FAM13A: variants seen among roughly 807,000 people sequenced by gnomAD.
FAM13A encodes protein FAM13A.
In FAM13A, 76 loss-of-function variants were observed where a neutral mutation model predicts 129.6. The ratio of observed to expected loss-of-function variants is 0.59; its 90% CI spans 0.49 to 0.71. The LOEUF is 0.71. Ranked by LOEUF, FAM13A falls within the 30% of genes least tolerant of loss-of-function variation. The pLI, the probability that FAM13A is intolerant of heterozygous loss-of-function variation, is 0.00. For missense variants in FAM13A, 1,108 were observed against 1,249.3 expected, an observed-to-expected ratio of 0.89 and a Z score of 1.70; for synonymous variants, 443 against 449.9, an observed-to-expected ratio of 0.98 and a Z score of 0.20.
At chr4:88,987,535 T>C (rs532402374) in intron 4 of FAM13A, among the ~76,000 whole-genome samples, 195 of 152,194 alleles carry the variant, frequency 1.3e-3, no homozygotes, top group Non-Finnish European at 2.0e-3. Context: ...GGATACAATA[T>C]CACTGATAAG....
At chr4:88,741,681 A>T (rs1740289434) in intron 19 of FAM13A, among the ~76,000 whole-genome samples, 1 of 152,182 alleles carries the variant, frequency 6.6e-6, no homozygotes, top group Admixed American at 6.5e-5. Context: ...AAAATCTGAA[A>T]CTTTTTGAGT....
intron 7 of FAM13A, among the ~76,000 whole-genome samples, chr4:88,815,976 G>C (rs1730637196): frequency 6.9e-6 from 1 of 144,074 alleles, no homozygotes; most frequent in Non-Finnish European, 1.5e-5. Context: ...GAGAATCCAA[G>C]TTCTTTTTCT....
intron 3 of FAM13A, among the ~76,000 whole-genome samples, chr4:89,014,006 G>A (rs1189770213): frequency 6.6e-6 from 1 of 152,146 alleles, no homozygotes; most frequent in African/African-American, 2.4e-5. Flanking sequence ...ACCCTGTGGT[G>A]CAATAGTGTC....
chr4:89,013,845 A>T (rs1766083771), intron 3 of FAM13A, among the ~76,000 whole-genome samples: 1 of 152,192 alleles, frequency 6.6e-6, no homozygotes, highest in Non-Finnish European at 1.5e-5. Context: ...AAAAATAATC[A>T]ATTCCCAGCC....
intron 3 of FAM13A, among the ~76,000 whole-genome samples, chr4:89,003,527 T>C (rs1397977802): frequency 6.6e-6 from 1 of 151,960 alleles, no homozygotes; most frequent in African/African-American, 2.4e-5. Flanking sequence ...AGCAGAATCA[T>C]GGTTATAGGT....
Position 89,057,088 on chromosome 4 carries a change from C to T in FAM13A, c.-124G>A. The T allele has an allele frequency of 1.3e-6, 2 of 1,519,998 alleles. No homozygotes were observed. Among genetic ancestry groups the T allele is most frequent in the South Asian group, 2.6e-5 (2 of 76,892 alleles). The allele number at this position is 1,519,998 out of a possible 1,614,324, so 94.2% of individuals were successfully genotyped here. On this transcript the variant is annotated 5_prime_UTR_variant, in exon 1 of 24. Coordinates refer to ENST00000264344, the MANE Select transcript of FAM13A (RefSeq NM_014883.4). ...TGAAAAACAGCTCCCAATGCAAAGG[C>T]CCCAAGGTAAGCGAAGAGCAGCTTC...
At chr4:88,956,739 T>C (rs1355102566) in intron 4 of FAM13A, among the ~76,000 whole-genome samples, 1 of 152,194 alleles carries the variant, frequency 6.6e-6, no homozygotes, top group East Asian at 1.9e-4. Context: ...TTACCCTCAC[T>C]TTCTAGCTTC....
chr4:89,039,848 G>A (rs866338335), intron 1 of FAM13A, among the ~76,000 whole-genome samples: 2 of 151,912 alleles, frequency 1.3e-5, no homozygotes, highest in African/African-American at 4.8e-5. Context: ...AGCTTCTCAG[G>A]AGGCTGTGGC....
intron 5 of FAM13A, among the ~76,000 whole-genome samples, chr4:88,930,368 G>A (rs1445398602): frequency 1.3e-5 from 2 of 152,084 alleles, no homozygotes; most frequent in Non-Finnish European, 2.9e-5. Flanking sequence ...TTCTGAAGAT[G>A]TATTTTTTCT....
chr4:88,951,894 A>G (rs1579457463), intron 4 of FAM13A, among the ~76,000 whole-genome samples: 1 of 152,156 alleles, frequency 6.6e-6, no homozygotes, highest in African/African-American at 2.4e-5. Context: ...TATATTTCCA[A>G]CAGAGCCTAG....
chr4:88,919,938 G>A (rs943905029), intron 5 of FAM13A, among the ~76,000 whole-genome samples: 13 of 152,236 alleles, frequency 8.5e-5, no homozygotes, highest in East Asian at 7.7e-4. Context: ...ACAGAGTCTC[G>A]CTGATTGCTA....
chr4:88,902,701 G>C (rs1458028744), intron 6 of FAM13A, among the ~76,000 whole-genome samples: 2 of 152,138 alleles, frequency 1.3e-5, no homozygotes, highest in Non-Finnish European at 2.9e-5. Flanking sequence ...GCTGACACAA[G>C]ACAAGGATGC....
chr4:88,997,547 G>A (rs1210311668), intron 3 of FAM13A, among the ~76,000 whole-genome samples: 1 of 136,494 alleles, frequency 7.3e-6, no homozygotes, highest in Non-Finnish European at 1.6e-5. Flanking sequence ...ACAAATATTT[G>A]CTCTCACTAA....
intron 11 of FAM13A, among the ~76,000 whole-genome samples, chr4:88,779,491 T>C (rs2149605140): frequency 6.6e-6 from 1 of 152,304 alleles, no homozygotes; most frequent in South Asian, 2.1e-4. Context: ...TTGGAAAACA[T>C]CTTTGAGAAT....
At chr4:89,056,113 A>T (rs1273205894) in intron 1 of FAM13A, among the ~76,000 whole-genome samples, 1 of 152,200 alleles carries the variant, frequency 6.6e-6, no homozygotes, top group Non-Finnish European at 1.5e-5. Flanking sequence ...CATTCTAGAA[A>T]ATAAAATGTC....
At chr4:88,769,783 G>A (rs1373284870) in intron 11 of FAM13A, among the ~76,000 whole-genome samples, 1 of 151,748 alleles carries the variant, frequency 6.6e-6, no homozygotes, top group Non-Finnish European at 1.5e-5. Context: ...AGTGAGCCAA[G>A]ATGCACCACT....
chr4:88,729,724 ATTAAG>A (rs1200713422), intron 23 of FAM13A: 1 of 152,198 alleles, frequency 6.6e-6, no homozygotes, highest in Non-Finnish European at 1.5e-5. Context: ...TTTTTTGACA[ATTAAG>A]TTAACGTCCT....
chr4:88,973,148 T>G lies in FAM13A; in HGVS notation c.605+17825A>C, dbSNP rs544634550. Among the ~76,000 whole-genome samples the G allele has an allele frequency of 8.1e-5, 12 of 148,158 alleles. No homozygotes were observed. In the East Asian group the frequency reaches 2.3e-3, roughly 29 times the overall value. On this transcript the variant is annotated intron_variant, in intron 4 of 23. Coordinates refer to ENST00000264344, the MANE Select transcript of FAM13A (RefSeq NM_014883.4). The stretch of plus-strand genomic sequence containing the variant: ...TAGGCATAATTTTTTTTTTTTTTTT[T>G]GTCATTTATCTTGCTTGGTATTCTC...
chr4:88,801,468 A>G (rs1369907480), intron 8 of FAM13A, among the ~76,000 whole-genome samples: 1 of 152,230 alleles, frequency 6.6e-6, no homozygotes, highest in African/African-American at 2.4e-5. Flanking sequence ...CACTGTGAGT[A>G]TTAAAACTTG....
Sources: allele counts gnomAD v4.1 joint callset (sites outside exome capture counted in the v4.1 genomes callset), GRCh38; gene constraint gnomAD v4.1.1; transcripts MANE v1.5; gene names NCBI Gene and HGNC (gene_info 2026-07-23, HGNC 2026-07-21).